TAB2: variants seen among roughly 807,000 people sequenced by gnomAD.
TAB2 encodes TGF-beta activated kinase 1 (MAP3K7) binding protein 2.
Under a neutral mutation model 65.0 loss-of-function variants are expected in TAB2, and 3 were observed. That is an observed-to-expected ratio of 0.05 (90% confidence interval 0.02 to 0.12). TAB2 has a LOEUF of 0.12. Among genes scored for constraint, TAB2 ranks in the 10% least tolerant of loss-of-function variants. TAB2 has a pLI of 1.00. For missense variants in TAB2, 623 were observed against 840.3 expected, an observed-to-expected ratio of 0.74 and a Z score of 3.20; for synonymous variants, 298 against 285.1, an observed-to-expected ratio of 1.05 and a Z score of -0.46.
At position 149,378,752 on chromosome 6, in the gene TAB2, G is replaced by T; in HGVS notation, c.837G>T (p.Gln279His). ...SSQQPNQQGH[Q>H]TSHVYMPISS... ...AACAGCCAAATCAGCAAGGCCACCA[G>T]ACCTCTCATGTCTACATGCCAATCA... Residue 279 changes from glutamine to histidine, a missense_variant, in exon 3 of 7, where the codon CAG becomes CAT. By Grantham distance (24) the Gln-to-His change is conservative (BLOSUM62 0). This residue lies in a region of TAB2 where 550 missense variants were observed against 665.7 expected (regional missense o/e 0.83). Transcript: ENST00000637181. 1 of 1,613,950 alleles carries T rather than the reference G, an allele frequency of 6.2e-7. No homozygotes were observed. The highest frequency in any genetic ancestry group is 8.5e-7 in the Non-Finnish European group (1 of 1,180,008).
At chr6:149,243,309 A>G (rs752894520) in intron 1 of TAB2, 1 of 152,224 alleles carries the variant, frequency 6.6e-6, no homozygotes, top group Non-Finnish European at 1.5e-5. Context: ...TTTTATTAAG[A>G]TACAGGGTGA....
chr6:149,276,946 G>T (rs1778487283), intron 1 of TAB2, among the ~76,000 whole-genome samples: 1 of 152,168 alleles, frequency 6.6e-6, no homozygotes, highest in Non-Finnish European at 1.5e-5. Flanking sequence ...AATCATGGGG[G>T]TGGTTTCCCC....
intron 3 of TAB2, among the ~76,000 whole-genome samples, chr6:149,383,765 G>C (rs9377212): frequency 0.42 from 63,117 of 151,886 alleles, 13,412 homozygotes; most frequent in East Asian, 0.6. Context: ...GTATTTTTAA[G>C]AGAGATGTGG....
chr6:149,338,571 A>G (rs970590702), intron 1 of TAB2, among the ~76,000 whole-genome samples: 5 of 152,246 alleles, frequency 3.3e-5, no homozygotes, highest in Non-Finnish European at 7.3e-5. Flanking sequence ...AAGTTTAAAC[A>G]TAAGTACAAT....
At chr6:149,340,411 A>G (rs925367046) in intron 1 of TAB2, among the ~76,000 whole-genome samples, 3 of 152,200 alleles carry the variant, frequency 2.0e-5, no homozygotes, top group African/African-American at 7.2e-5. Context: ...TTAGACAGCT[A>G]CAGATACATT....
intron 1 of TAB2, 102 bp from the exon 2 acceptor site, chr6:149,369,805 GTT>G: frequency 3.3e-6 from 2 of 612,200 alleles, no homozygotes; most frequent in South Asian, 4.0e-5. Flanking sequence ...AGTTTATAAT[GTT>G]AAGTGCTAAA....
chr6:149,226,038 G>T (rs906808515), intron 1 of TAB2, among the ~76,000 whole-genome samples: 1 of 152,024 alleles, frequency 6.6e-6, no homozygotes, highest in Non-Finnish European at 1.5e-5. Flanking sequence ...CGAAACAAGG[G>T]ATTAAACTGC....
chr6:149,260,563 A>G (rs1000942121), intron 1 of TAB2, among the ~76,000 whole-genome samples: 1 of 152,260 alleles, frequency 6.6e-6, no homozygotes, highest in African/African-American at 2.4e-5. Flanking sequence ...TGCTACACAC[A>G]TCATGGACAA....
intron 1 of TAB2, among the ~76,000 whole-genome samples, chr6:149,302,108 T>C (rs1272834554): frequency 1.3e-5 from 2 of 152,160 alleles, no homozygotes; most frequent in East Asian, 3.8e-4. Context: ...TTCATATAGG[T>C]ATTCAAAAAT....
At chr6:149,386,230 A>G (rs951038674) in intron 3 of TAB2, among the ~76,000 whole-genome samples, 5 of 152,238 alleles carry the variant, frequency 3.3e-5, no homozygotes, top group African/African-American at 9.6e-5. Flanking sequence ...TCTTAAATAT[A>G]TTAAGTTACG....
chr6:149,397,858 G>A (rs1782227505), intron 4 of TAB2, 94 bp downstream of exon 4: 7 of 1,579,912 alleles, frequency 4.4e-6, no homozygotes, highest in Non-Finnish European at 6.1e-6. Flanking sequence ...TTCTTCAGAT[G>A]TTCTTAACTC....
chr6:149,389,649 A>C (rs1347716219), intron 3 of TAB2, among the ~76,000 whole-genome samples: 1 of 146,938 alleles, frequency 6.8e-6, no homozygotes, highest in Non-Finnish European at 1.5e-5. Context: ...CTGTGTCAAA[A>C]AAAAAAAAAA....
At chr6:149,230,400 A>C (rs562929306) in intron 1 of TAB2, among the ~76,000 whole-genome samples, 98 of 152,346 alleles carry the variant, frequency 6.4e-4, no homozygotes, top group Non-Finnish European at 1.2e-3. Context: ...TCTGAGAATC[A>C]CAGCTTTTAT....
At chr6:149,388,918 C>CATATGGAAA (rs1470797919) in intron 3 of TAB2, among the ~76,000 whole-genome samples, 1 of 151,240 alleles carries the variant, frequency 6.6e-6, no homozygotes, top group Non-Finnish European at 1.5e-5. Context: ...AAAGCCTTTC[C>CATATGGAAA]ATATTCCAAG....
At chr6:149,340,910 A>T (rs1489533961) in intron 1 of TAB2, among the ~76,000 whole-genome samples, 1 of 152,116 alleles carries the variant, frequency 6.6e-6, no homozygotes, top group African/African-American at 2.4e-5. Flanking sequence ...TTACTTGGTA[A>T]TTTTAGAGAG....
intron 1 of TAB2, among the ~76,000 whole-genome samples, chr6:149,299,453 T>C (rs1778933418): frequency 6.6e-6 from 1 of 152,124 alleles, no homozygotes; most frequent in African/African-American, 2.4e-5. Flanking sequence ...AGGCCTGTAG[T>C]CCCAGCTACT....
At chr6:149,376,887 C>T (rs1222434018) in intron 2 of TAB2, among the ~76,000 whole-genome samples, 1 of 75,494 alleles carries the variant, frequency 1.3e-5, no homozygotes, top group South Asian at 3.5e-4. Flanking sequence ...ATCTGAGGTT[C>T]CCCCCCCCCA....
intron 1 of TAB2, among the ~76,000 whole-genome samples, chr6:149,335,754 G>A (rs1250074380): frequency 6.6e-6 from 1 of 151,826 alleles, no homozygotes. Flanking sequence ...TGAAGTGTTT[G>A]TGATTAAAAT....
At chr6:149,393,338 C>G (rs892057315) in intron 3 of TAB2, among the ~76,000 whole-genome samples, 3 of 152,146 alleles carry the variant, frequency 2.0e-5, no homozygotes, top group East Asian at 3.8e-4. Flanking sequence ...GAGCTTCAGA[C>G]TAATCATAAG....
Sources: allele counts gnomAD v4.1 joint callset (sites outside exome capture counted in the v4.1 genomes callset), GRCh38; gene constraint gnomAD v4.1.1; regional missense constraint gnomAD v4.1.1; transcripts MANE v1.5; gene names NCBI Gene and HGNC (gene_info 2026-07-23, HGNC 2026-07-21).